The following EYA4 variants were observed in gnomAD, a reference collection of about 807,000 sequenced individuals.
EYA4 encodes the protein EYA transcriptional coactivator and phosphatase 4.
In EYA4, 31 loss-of-function variants were observed where a neutral mutation model predicts 87.9. The observed-to-expected ratio is 0.35, with a 90% CI of 0.27 to 0.48. EYA4 has a LOEUF of 0.48. Ranked by LOEUF, EYA4 falls within the 20% of genes least tolerant of loss-of-function variation. The pLI is 0.99. For synonymous variants in EYA4, 263 were observed against 270.6 expected (o/e 0.97, Z 0.28); for missense variants, 678 against 761.4 (o/e 0.89, Z 1.29).
Position 133,505,818 on chromosome 6 carries a change from G to T in EYA4, c.1192-288G>T, listed in dbSNP as rs189581980. On this transcript the variant is annotated intron_variant, in intron 13 of 19. Transcript: ENST00000355286. Reference sequence around the variant, plus strand: ...AGATTATATGTAAACTGGGTCATATGAACTAGCTGATTTCCTTCCTCCTTC... The same window carrying T: ...AGATTATATGTAAACTGGGTCATATTAACTAGCTGATTTCCTTCCTCCTTC... Among the ~76,000 whole-genome samples the T allele has an allele frequency of 1.5e-3, 235 of 152,250 alleles. 1 individual carries two copies. Among genetic ancestry groups the T allele is most frequent in the South Asian group, 6.2e-3 (30 of 4,826 alleles).
intron 1 of EYA4, among the ~76,000 whole-genome samples, chr6:133,271,576 G>A (rs1316044634): frequency 7.2e-5 from 11 of 152,254 alleles, no homozygotes; most frequent in Admixed American, 7.2e-4. Context: ...TAATCAACCT[G>A]CCACCAGGTA....
chr6:133,530,199 T>G lies in EYA4; in HGVS notation c.*1394T>G, dbSNP rs1411329621. On this transcript the variant is annotated 3_prime_UTR_variant, in exon 20 of 20. Coordinates refer to ENST00000355286, the MANE Select transcript of EYA4 (RefSeq NM_004100.5). ...GAAATGACAACAGTAAAATAATACC[T>G]GGTTCTCCATCTGAATACATCAATG... is the stretch of plus-strand genomic sequence containing the variant. 2.0e-6 allele frequency: 2 copies of G among 985,308 alleles called. No individual in the cohort carries two copies. Among genetic ancestry groups the G allele is most frequent in the Admixed American group, 6.1e-5 (1 of 16,264 alleles). 61.0% of individuals were successfully genotyped at this position (985,308 alleles called of 1,614,324 possible). A position where few individuals can be genotyped will look rare whatever the true frequency, so the allele number is the denominator to read the frequency against.
chr6:133,435,542 G>T (rs778492831), intron 3 of EYA4: 1 of 152,208 alleles, frequency 6.6e-6, no homozygotes, highest in Non-Finnish European at 1.5e-5. Context: ...ACACTGTGCC[G>T]CGGAGAGGAG....
rs1800954746 is a variant in EYA4 at position 133,530,618 on chromosome 6, T to C, written c.*1813T>C. 4 of 985,786 alleles carry C rather than the reference T, an allele frequency of 4.1e-6. No individual in the cohort carries two copies. The highest frequency in any genetic ancestry group is 4.8e-6 in the Non-Finnish European group (4 of 829,860). The allele number at this position is 985,786 out of a possible 1,614,324, so 61.1% of individuals were successfully genotyped here. A position where few individuals can be genotyped will look rare whatever the true frequency, so the allele number is the denominator to read the frequency against. On this transcript the variant is annotated 3_prime_UTR_variant, in exon 20 of 20. Coordinates refer to ENST00000355286, the MANE Select transcript of EYA4 (RefSeq NM_004100.5). The stretch of plus-strand genomic sequence containing the variant: ...TGCTCACAGATCACAACATTCACTG[T>C]GGAAATATGATTTCATTTCTTTAGG...
rs1348594082 is a variant in EYA4 at position 133,385,432 on chromosome 6, TGTGTGTGTGA to T, written c.83+2993_83+3002del. Among the ~76,000 whole-genome samples the T allele has an allele frequency of 1.9e-3, 265 of 142,944 alleles. 3 individuals are homozygous for T. The highest frequency in any genetic ancestry group is 2.9e-3 in the Admixed American group (42 of 14,304). The allele number at this position is 142,944 out of a possible 152,430, so 93.8% of individuals were successfully genotyped here. A position where few individuals can be genotyped will look rare whatever the true frequency, so the allele number is the denominator to read the frequency against. ...GTGTGTGTGTGTGTGTGTGTGTGTGTGTGTGTGTGAGAGAGAGAGAGAGAGATTCAGATTG... is the reference window on the plus strand; with the variant it reads ...GTGTGTGTGTGTGTGTGTGTGTGTGTGAGAGAGAGAGAGAGATTCAGATTG... On this transcript the variant is annotated intron_variant, in intron 3 of 19. Coordinates refer to ENST00000355286, the MANE Select transcript of EYA4 (RefSeq NM_004100.5).
intron 3 of EYA4, among the ~76,000 whole-genome samples, chr6:133,445,959 A>T (rs749926216): frequency 8.5e-5 from 13 of 152,208 alleles, no homozygotes; most frequent in Non-Finnish European, 1.3e-4. Flanking sequence ...CAATCTCTGG[A>T]GCAAACTTAA....
At chr6:133,453,098 A>G (rs1793603514) in intron 5 of EYA4, 1 of 152,136 alleles carries the variant, frequency 6.6e-6, no homozygotes, top group Admixed American at 6.5e-5. Context: ...GAAAGACAAA[A>G]TATAGCTTAA....
intron 18 of EYA4, among the ~76,000 whole-genome samples, chr6:133,523,931 T>G (rs1467923987): frequency 6.6e-6 from 1 of 152,162 alleles, no homozygotes; most frequent in Non-Finnish European, 1.5e-5. Context: ...TCTGGCACAT[T>G]GACAAGAGAA....
intron 1 of EYA4, among the ~76,000 whole-genome samples, chr6:133,262,928 G>A (rs1775914817): frequency 2.0e-5 from 3 of 151,912 alleles, no homozygotes; most frequent in Admixed American, 2.0e-4. Context: ...TCTTTTCTAC[G>A]GCCAGGGAGG....
intron 3 of EYA4, among the ~76,000 whole-genome samples, chr6:133,434,892 G>A (rs1791512294): frequency 6.6e-6 from 1 of 152,118 alleles, no homozygotes; most frequent in African/African-American, 2.4e-5. Flanking sequence ...TGGTCTTATG[G>A]CTTTACTCCA....
intron 2 of EYA4, among the ~76,000 whole-genome samples, chr6:133,324,415 G>T (rs1170981564): frequency 6.6e-6 from 1 of 152,076 alleles, no homozygotes; most frequent in Non-Finnish European, 1.5e-5. Flanking sequence ...GTTTTCTGGG[G>T]TTACTTTTGG....
chr6:133,430,461 G>A (rs891311335), intron 3 of EYA4, among the ~76,000 whole-genome samples: 75 of 152,214 alleles, frequency 4.9e-4, no homozygotes, highest in African/African-American at 1.6e-3. Context: ...TGTATAGAAA[G>A]CATAGTGCCT....
intron 2 of EYA4, among the ~76,000 whole-genome samples, chr6:133,381,102 A>C (rs1215916533): frequency 1.7e-4 from 19 of 110,032 alleles, no homozygotes; most frequent in African/African-American, 3.6e-4. Context: ...TTGCCCCTCC[A>C]TCTCATGGTA....
chr6:133,244,442 G>A (rs1582724530), intron 1 of EYA4, among the ~76,000 whole-genome samples: 1 of 152,004 alleles, frequency 6.6e-6, no homozygotes, highest in African/African-American at 2.4e-5. Context: ...ATAAAAAGGA[G>A]TGATTGTATA....
chr6:133,387,947 G>A (rs1482442277), intron 3 of EYA4, among the ~76,000 whole-genome samples: 1 of 152,100 alleles, frequency 6.6e-6, no homozygotes, highest in East Asian at 1.9e-4. Context: ...GGATGCAGAT[G>A]GGGCTGTGAA....
chr6:133,329,663 A>T (rs1369012048), intron 2 of EYA4, among the ~76,000 whole-genome samples: 1 of 152,118 alleles, frequency 6.6e-6, no homozygotes, highest in Non-Finnish European at 1.5e-5. Context: ...AACTGTTTCT[A>T]GTTCATACCA....
At chr6:133,273,671 C>A (rs1776923000) in intron 1 of EYA4, among the ~76,000 whole-genome samples, 1 of 151,904 alleles carries the variant, frequency 6.6e-6, no homozygotes, top group South Asian at 2.1e-4. Flanking sequence ...TTTAATTTTT[C>A]TTTTTTAGAA....
At chr6:133,449,328 A>G (rs6912844) in intron 5 of EYA4, among the ~76,000 whole-genome samples, 36,299 of 152,160 alleles carry the variant, frequency 0.24, 4,564 homozygotes, top group East Asian at 0.32. Context: ...GTGTCATGAA[A>G]TATTGTAATT....
chr6:133,494,917 G>A (rs1487512800), intron 13 of EYA4, among the ~76,000 whole-genome samples: 2 of 152,044 alleles, frequency 1.3e-5, no homozygotes, highest in Non-Finnish European at 2.9e-5. Context: ...AAGCACTTGA[G>A]GTGATGGATA....
Sources: allele counts gnomAD v4.1 joint callset (sites outside exome capture counted in the v4.1 genomes callset), GRCh38; gene constraint gnomAD v4.1.1; transcripts MANE v1.5; gene names NCBI Gene and HGNC (gene_info 2026-07-23, HGNC 2026-07-21).